Variants in AMPD3 observed in about 807,000 individuals in gnomAD.
AMPD3 encodes adenosine monophosphate deaminase 3.
Under a neutral mutation model 82.3 loss-of-function variants are expected in AMPD3, and 57 were observed. The observed-to-expected ratio is 0.69, with a 90% CI of 0.56 to 0.86. The LOEUF (loss-of-function observed/expected upper bound fraction) is 0.86. Ranked by LOEUF, AMPD3 falls within the 40% of genes least tolerant of loss-of-function variation. The pLI is 0.00. For synonymous variants in AMPD3, 381 were observed against 394.7 expected (o/e 0.97, Z 0.41); for missense variants, 870 against 1,003.8 (o/e 0.87, Z 1.80).
At chr11:10,455,231 C>T, upstream of AMPD3, 1 of 985,460 alleles carries the variant, frequency 1.0e-6, no homozygotes, top group East Asian at 1.1e-4. Flanking sequence ...GCCTAAGTCA[C>T]TGGGAGGCTA....
intron 2 of AMPD3, among the ~76,000 whole-genome samples, chr11:10,475,108 G>C (rs1848700481): frequency 6.6e-6 from 1 of 152,218 alleles, no homozygotes; most frequent in Non-Finnish European, 1.5e-5. Context: ...AAGCATGGCA[G>C]CATCTGCTTC....
At chr11:10,468,525 T>C (rs1848488655) in intron 2 of AMPD3, among the ~76,000 whole-genome samples, 1 of 152,018 alleles carries the variant, frequency 6.6e-6, no homozygotes, top group East Asian at 1.9e-4. Flanking sequence ...ATAAAGCAAG[T>C]CTTAGAGACC....
intron 13 of AMPD3, 23 bp downstream of exon 13, chr11:10,502,917 A>G (rs774408934): frequency 6.2e-7 from 1 of 1,612,620 alleles, no homozygotes; most frequent in Non-Finnish European, 8.5e-7. Flanking sequence ...GGGTGAGGAC[A>G]GTAGTGCTTC....
chr11:10,493,454 CG>C lies in AMPD3; in HGVS notation c.1049del (p.Gly350AlafsTer57). The C allele has an allele frequency of 1.2e-6, 2 of 1,614,194 alleles. No homozygotes were observed. Among genetic ancestry groups the C allele is most frequent in the Non-Finnish European group, 1.7e-6 (2 of 1,180,040 alleles). On this transcript the variant is annotated frameshift_variant, in exon 7 of 15. Transcript: ENST00000396553. LOFTEE classifies it high-confidence loss of function. Reference protein sequence around the residue: ...TEPDRTVAEKRGRKITLRQVF... With the variant: ...TEPDRTVAEKXGRKITLRQVF... ...GCCTGACAGGACTGTGGCAGAGAAG[CG>C]GGGCCGGAAGATCACCCTGCGGCAG...
chr11:10,483,333 A>G (rs1291722227), intron 4 of AMPD3, among the ~76,000 whole-genome samples: 1 of 152,136 alleles, frequency 6.6e-6, no homozygotes, highest in Non-Finnish European at 1.5e-5. Context: ...GTCTCCATCA[A>G]TGCCTGGGAC....
chr11:10,502,780 T>C lies in AMPD3; in HGVS notation c.1902T>C (p.Leu634=), dbSNP rs564822916. The change falls in exon 13 of 15, where the codon CTT becomes CTC. Residue 634 remains leucine (L), a synonymous_variant. Transcript: ENST00000396553. The part of the protein sequence containing the change: ...LAQIPIAMSP[L]SNNSLFLEYS... ...AGATCCCCATTGCCATGTCTCCTCT[T>C]AGCAACAACAGTTTGTTCCTCGAAT... The C allele has an allele frequency of 8.7e-6, 14 of 1,614,180 alleles. No individual in the cohort carries two copies. Among genetic ancestry groups the C allele is most frequent in the Non-Finnish European group, 8.5e-7 (1 of 1,179,986 alleles).
At chr11:10,490,848 C>T (rs1230669851) in intron 6 of AMPD3, among the ~76,000 whole-genome samples, 1 of 152,208 alleles carries the variant, frequency 6.6e-6, no homozygotes, top group Non-Finnish European at 1.5e-5. Flanking sequence ...CACGTGAGCC[C>T]AGCCTCATCT....
Position 10,502,125 on chromosome 11 carries a change from C to T in AMPD3, c.1842+535C>T, listed in dbSNP as rs146021607. On this transcript the variant is annotated intron_variant, in intron 12 of 14. Coordinates refer to ENST00000396553, the MANE Select transcript of AMPD3 (RefSeq NM_001025389.2). Reference sequence around the variant, plus strand: ...TGAGCTCTGTGCATACAGTCTTCTCCGTATTTTGGATCACTTTCCATTGGC... The same window carrying T: ...TGAGCTCTGTGCATACAGTCTTCTCTGTATTTTGGATCACTTTCCATTGGC... 305 of 985,398 alleles carry T rather than the reference C, an allele frequency of 3.1e-4. 3 individuals carry two copies. The East Asian group carries it at 0.023, about 74-fold the overall frequency. 61.0% of individuals were successfully genotyped at this position (985,398 alleles called of 1,614,324 possible). A position where few individuals can be genotyped will look rare whatever the true frequency, so the allele number is the denominator to read the frequency against.
chr11:10,493,211 T>C (rs1285221901), intron 6 of AMPD3, 138 bp from the exon 7 acceptor site: 1 of 952,478 alleles, frequency 1.0e-6, no homozygotes, highest in African/African-American at 1.6e-5. Flanking sequence ...AAATGGGGGG[T>C]GGGATCCAGA....
rs1268320534 is a variant in AMPD3, at chr11:10,493,379, A to C, written c.970A>C (p.Met324Leu). ...VDTHIHAAAC[M>L]NQKHLLRFIK... is the part of the protein sequence containing the mutation. ...CACACACATCCATGCGGCCGCCTGC[A>C]TGAACCAAAAGCATCTGCTGCGCTT... Residue 324 changes from methionine (M) to leucine (L), a missense_variant, in exon 7 of 15, where the codon ATG becomes CTG. Transcript: ENST00000396553. 6 of 1,614,122 alleles carry C rather than the reference A, an allele frequency of 3.7e-6. No homozygotes were observed. The highest frequency in any genetic ancestry group is 5.1e-6 in the Non-Finnish European group (6 of 1,180,060).
intron 14 of AMPD3, chr11:10,505,504 G>A (rs1591490775): frequency 2.1e-6 from 2 of 962,220 alleles, no homozygotes; most frequent in East Asian, 3.1e-4. Context: ...GTCTGAGGAT[G>A]ACTGAGGTTG....
upstream of AMPD3, among the ~76,000 whole-genome samples, chr11:10,454,112 A>C (rs1352503602): frequency 6.6e-6 from 1 of 152,216 alleles, no homozygotes; most frequent in East Asian, 1.9e-4. Flanking sequence ...GGCTGCAAGA[A>C]GCAGCAACAA....
rs547362583 is a variant in AMPD3, at chr11:10,455,403, AGCCAGC to A, written c.-48_-43del. ...TTCCCCAGGAGGAGTGGCAGAGTCC[AGCCAGC>A]GCTCGGAGCTGGAGGCCCACGTGGG... On this transcript the variant is annotated 5_prime_UTR_variant, in exon 1 of 15. Transcript: ENST00000396553. The A allele has an allele frequency of 1.2e-3, 1,216 of 985,268 alleles. 2 individuals are homozygous for A. The highest frequency in any genetic ancestry group is 1.4e-3 in the Non-Finnish European group (1,163 of 829,942). The allele number at this position is 985,268 out of a possible 1,614,324, so 61.0% of individuals were successfully genotyped here.
intron 3 of AMPD3, chr11:10,480,032 G>T: frequency 1.1e-6 from 1 of 889,828 alleles, no homozygotes; most frequent in Non-Finnish European, 1.3e-6. Flanking sequence ...TGAATGGGAG[G>T]ATGTCAGCCT....
chr11:10,463,141 G>C (rs994486365), intron 2 of AMPD3, among the ~76,000 whole-genome samples: 2 of 152,106 alleles, frequency 1.3e-5, no homozygotes, highest in African/African-American at 4.8e-5. Context: ...AGCCCTCTCC[G>C]ACCTAGTCTG....
At chr11:10,453,053 G>A (rs548556831), upstream of AMPD3, among the ~76,000 whole-genome samples, 2 of 152,260 alleles carry the variant, frequency 1.3e-5, no homozygotes, top group Admixed American at 6.5e-5. Context: ...GGGTTCAAGC[G>A]ATTCTCCTGC....
intron 2 of AMPD3, among the ~76,000 whole-genome samples, chr11:10,473,991 T>G (rs990845130): frequency 2.6e-5 from 4 of 150,980 alleles, no homozygotes; most frequent in Admixed American, 6.6e-5. Context: ...GGGGGAGGAG[T>G]TCAAACCAGC....
At chr11:10,500,930 T>A in intron 11 of AMPD3, 1 of 985,308 alleles carries the variant, frequency 1.0e-6, no homozygotes, top group Non-Finnish European at 1.2e-6. Context: ...CAGCCTAAAC[T>A]GGTGCTAGTT....
Position 10,456,512 on chromosome 11 carries a change from G to T in AMPD3, c.-6+1064G>T. 6.2e-7 allele frequency: 1 copy of T among 1,610,412 alleles called. No individual in the cohort carries two copies. The highest frequency in any genetic ancestry group is 2.2e-5 in the East Asian group (1 of 44,806). ...GGGCTTCCTTTCTGGAGGGACTGTGGCACCATGAAAAGTTACTGTTTGTTG... is the reference window on the plus strand; with the variant it reads ...GGGCTTCCTTTCTGGAGGGACTGTGTCACCATGAAAAGTTACTGTTTGTTG... On this transcript the variant is annotated intron_variant, in intron 1 of 14. Transcript: ENST00000396553. This position sits in a 1 kb window ranked among gnomAD's most constrained non-coding sequence, Gnocchi z 4.3.
Sources: allele counts gnomAD v4.1 joint callset (sites outside exome capture counted in the v4.1 genomes callset), GRCh38; gene constraint gnomAD v4.1.1; non-coding constraint Gnocchi (gnomAD v3.1); transcripts MANE v1.5; gene names NCBI Gene and HGNC (gene_info 2026-07-23, HGNC 2026-07-21).